The following AGAP1 variants were observed in gnomAD, a reference collection of about 807,000 sequenced individuals.
AGAP1 encodes the protein arf-GAP with GTPase, ANK repeat and PH domain-containing protein 1.
A neutral mutation model predicts 105.3 loss-of-function variants in AGAP1; 29 were observed. That is an observed-to-expected ratio of 0.28 (90% CI 0.21 to 0.38). The LOEUF is 0.38. Among genes scored for constraint, AGAP1 ranks in the 10% least tolerant of loss-of-function variants. The pLI, the probability that AGAP1 is intolerant of heterozygous loss-of-function variation, is 1.00. For missense variants in AGAP1, 998 were observed against 1,165.1 expected (o/e 0.86, Z 2.09); for synonymous variants, 509 against 485.9 (o/e 1.05, Z -0.63).
chr2:235,785,960 G>T (rs1175998634), intron 6 of AGAP1, among the ~76,000 whole-genome samples: 1 of 152,240 alleles, frequency 6.6e-6, no homozygotes, highest in East Asian at 1.9e-4. Context: ...TGGCGTGGAA[G>T]AGTGTTGAGG....
At chr2:235,532,424 T>C (rs1943075002) in intron 1 of AGAP1, among the ~76,000 whole-genome samples, 1 of 152,126 alleles carries the variant, frequency 6.6e-6, no homozygotes, top group Non-Finnish European at 1.5e-5. Context: ...CCCAGAATGG[T>C]GTCAGACTTG....
chr2:235,687,933 A>C (rs1575133290), intron 1 of AGAP1, among the ~76,000 whole-genome samples: 3 of 107,998 alleles, frequency 2.8e-5, no homozygotes, highest in East Asian at 2.7e-4. Context: ...ATGGAGTCTC[A>C]CTCTGTCACC....
chr2:235,572,576 A>T (rs991213304), intron 1 of AGAP1, among the ~76,000 whole-genome samples: 4 of 152,246 alleles, frequency 2.6e-5, no homozygotes, highest in Non-Finnish European at 2.9e-5. Flanking sequence ...TCATCTCTGA[A>T]GTCCCTCCTA....
Position 235,694,496 on chromosome 2 carries a change from A to T in AGAP1, c.164-14683A>T, listed in dbSNP as rs1575149601. 5.3e-5 allele frequency among the ~76,000 whole-genome samples: 8 copies of T among 151,010 alleles called. No homozygotes were observed. The South Asian group carries it at 1.7e-3, about 32-fold the overall frequency. ...TCTGTCTCAAAAAAAAAAAAAAAAA[A>T]AATTAGCTGGGCATGGTGGCAGTGC... On this transcript the variant is annotated intron_variant, in intron 1 of 17. Coordinates refer to ENST00000304032, the MANE Select transcript of AGAP1 (RefSeq NM_001037131.3).
rs1576029793 is a variant in AGAP1 at position 236,003,980 on chromosome 2, G to A, written c.1646-32581G>A. ...GGGCGGTTTAGTATTCCTTTTTCTG[G>A]CAACTCACTTAGGGCTTTTACAGGT... On this transcript the variant is annotated intron_variant, in intron 13 of 17. Coordinates refer to ENST00000304032, the MANE Select transcript of AGAP1 (RefSeq NM_001037131.3). This position sits in a 1 kb window ranked among gnomAD's most constrained non-coding sequence, Gnocchi z 4.2. Among the ~76,000 whole-genome samples the A allele has an allele frequency of 6.6e-6, 1 of 152,216 alleles. No individual in the cohort carries two copies. Among genetic ancestry groups the A allele is most frequent in the East Asian group, 1.9e-4 (1 of 5,182 alleles).
At position 235,736,099 on chromosome 2, in the gene AGAP1, C is replaced by G. The variant is rs894550464; in HGVS notation, c.311-4864C>G. Among the ~76,000 whole-genome samples, 1 of 151,376 alleles carries G rather than the reference C, an allele frequency of 6.6e-6. No individual in the cohort carries two copies. Among genetic ancestry groups the G allele is most frequent in the East Asian group, 2.0e-4 (1 of 5,104 alleles). ...TCAGTGAGACTGGGACTCTGTTTTCCCCTCTCACTGAGATGCGGTCACAGC... is the reference window on the plus strand; with the variant it reads ...TCAGTGAGACTGGGACTCTGTTTTCGCCTCTCACTGAGATGCGGTCACAGC... On this transcript the variant is annotated intron_variant, in intron 3 of 17. Coordinates refer to ENST00000304032, the MANE Select transcript of AGAP1 (RefSeq NM_001037131.3). The surrounding 1 kb of genome is among the most constrained non-coding windows in gnomAD (Gnocchi z 5.5).
chr2:235,938,720 G>T (rs2053108063), intron 12 of AGAP1, among the ~76,000 whole-genome samples: 1 of 152,086 alleles, frequency 6.6e-6, no homozygotes, highest in Non-Finnish European at 1.5e-5. Context: ...ATCCTTTCGG[G>T]GGCCACATTT....
rs1419201887 is a variant in AGAP1 at position 235,891,620 on chromosome 2, A to G, written c.1155+8171A>G. 6.6e-6 allele frequency among the ~76,000 whole-genome samples: 1 copy of G among 152,206 alleles called. No individual in the cohort carries two copies. The highest frequency in any genetic ancestry group is 1.5e-5 in the Non-Finnish European group (1 of 68,040). On this transcript the variant is annotated intron_variant, in intron 10 of 17. Transcript: ENST00000304032. This position sits in a 1 kb window ranked among gnomAD's most constrained non-coding sequence, Gnocchi z 4.2. ...TGTCGCAAGCACGGCCGTCGAGTGCAAGGCTGCAATTCCCTGCTGACAAAG... is the reference window on the plus strand; with the variant it reads ...TGTCGCAAGCACGGCCGTCGAGTGCGAGGCTGCAATTCCCTGCTGACAAAG...
rs2050565346 is a variant in AGAP1, at chr2:235,891,898, A to T, written c.1155+8449A>T. Among the ~76,000 whole-genome samples the T allele has an allele frequency of 6.6e-6, 1 of 152,094 alleles. No homozygotes were observed. The highest frequency in any genetic ancestry group is 1.5e-5 in the Non-Finnish European group (1 of 68,010). On this transcript the variant is annotated intron_variant, in intron 10 of 17. Transcript: ENST00000304032. The surrounding 1 kb of genome is among the most constrained non-coding windows in gnomAD (Gnocchi z 4.2). ...GCCAGGTGTGGTGGCTCACACCTGT[A>T]ATCCCAGCACTTTGGGAGGCTGAGG...
intron 13 of AGAP1, among the ~76,000 whole-genome samples, chr2:235,972,630 C>G (rs770654586): frequency 6.6e-6 from 1 of 152,194 alleles, no homozygotes; most frequent in Admixed American, 6.5e-5. Context: ...CTTCTCCCTC[C>G]CACTGGTCTC....
Position 235,494,739 on chromosome 2 carries a change from A to C in AGAP1, c.53A>C (p.Gln18Pro). Residue 18 changes from glutamine to proline, a missense_variant, in exon 1 of 18, where the codon CAG becomes CCG. Around this residue, in one of 3 missense-constraint regions of AGAP1, gnomAD observed 735 missense variants for 833.4 expected, o/e 0.88. Transcript: ENST00000304032. The part of the protein sequence containing the change: ...ANSAAIRAEI[Q>P]RFESVHPNIY... ...TCGGCTGCCATCCGGGCCGAGATCC[A>C]GCGCTTCGAGTCGGTCCACCCCAAC... The C allele has an allele frequency of 6.4e-7, 1 of 1,568,554 alleles. No homozygotes were observed. Among genetic ancestry groups the C allele is most frequent in the Non-Finnish European group, 8.6e-7 (1 of 1,157,578 alleles).
Position 235,723,405 on chromosome 2 carries a change from A to G in AGAP1, c.310+5761A>G, listed in dbSNP as rs552928580. ...CAAAGGAAACAAAGCTAGGATGTCCAGTATTATGTGGACATTAGATAGGAA... is the reference window on the plus strand; with the variant it reads ...CAAAGGAAACAAAGCTAGGATGTCCGGTATTATGTGGACATTAGATAGGAA... On this transcript the variant is annotated intron_variant, in intron 3 of 17. Coordinates refer to ENST00000304032, the MANE Select transcript of AGAP1 (RefSeq NM_001037131.3). This position sits in a 1 kb window ranked among gnomAD's most constrained non-coding sequence, Gnocchi z 6.2. Among the ~76,000 whole-genome samples the G allele has an allele frequency of 9.8e-4, 149 of 152,354 alleles. 1 individual carries two copies. Among genetic ancestry groups the G allele is most frequent in the African/African-American group, 3.5e-3 (145 of 41,582 alleles).
chr2:235,972,179 G>A (rs756593588), intron 13 of AGAP1, among the ~76,000 whole-genome samples: 3 of 152,048 alleles, frequency 2.0e-5, no homozygotes, highest in South Asian at 2.1e-4. Flanking sequence ...ATTCTCTATC[G>A]CCTGACCAAG....
chr2:236,110,862 G>A (rs940776808), intron 16 of AGAP1, among the ~76,000 whole-genome samples: 1 of 152,314 alleles, frequency 6.6e-6, no homozygotes, highest in East Asian at 1.9e-4. Flanking sequence ...CAAAAGAAGT[G>A]TCTTGCTCAC....
chr2:236,069,477 G>A (rs1240532095), intron 16 of AGAP1, among the ~76,000 whole-genome samples: 2 of 152,176 alleles, frequency 1.3e-5, no homozygotes, highest in Non-Finnish European at 2.9e-5. Flanking sequence ...AGTCTGGAGT[G>A]CAGTGGCACA....
intron 9 of AGAP1, among the ~76,000 whole-genome samples, chr2:235,833,256 G>A (rs775404943): frequency 6.6e-6 from 1 of 152,242 alleles, no homozygotes; most frequent in Non-Finnish European, 1.5e-5. Flanking sequence ...AGAGGCTGGC[G>A]TAGGCACGGG....
chr2:235,687,693 C>A (rs967632208), intron 1 of AGAP1, among the ~76,000 whole-genome samples: 3 of 152,154 alleles, frequency 2.0e-5, no homozygotes, highest in Non-Finnish European at 4.4e-5. Context: ...AGGAATGCCA[C>A]CTTCGTTCAG....
intron 1 of AGAP1, among the ~76,000 whole-genome samples, chr2:235,645,572 A>G (rs1947345514): frequency 6.6e-6 from 1 of 151,970 alleles, no homozygotes; most frequent in South Asian, 2.1e-4. Context: ...GTGAAAGAAG[A>G]AGAGTTCAGA....
intron 13 of AGAP1, among the ~76,000 whole-genome samples, chr2:236,021,791 A>G (rs936243255): frequency 1.3e-5 from 2 of 151,716 alleles, no homozygotes; most frequent in Non-Finnish European, 2.9e-5. Context: ...AGACATGGTG[A>G]CTCACACCTC....
Sources: allele counts gnomAD v4.1 joint callset (sites outside exome capture counted in the v4.1 genomes callset), GRCh38; gene constraint gnomAD v4.1.1; regional missense constraint gnomAD v4.1.1; non-coding constraint Gnocchi (gnomAD v3.1); transcripts MANE v1.5; gene names NCBI Gene and HGNC (gene_info 2026-07-23, HGNC 2026-07-21).